EIF2AK1: variants seen among roughly 807,000 people sequenced by gnomAD.
The protein encoded by EIF2AK1 is eukaryotic translation initiation factor 2 alpha kinase 1, also known as eukaryotic translation initiation factor 2-alpha kinase 1.
EIF2AK1 carries 54 observed loss-of-function variants against 77.9 expected under a neutral mutation model. The observed-to-expected ratio is 0.69, with a 90% CI of 0.56 to 0.87. EIF2AK1 has a LOEUF of 0.87. EIF2AK1 is among the 40% of genes least tolerant of loss of function. The probability of loss-of-function intolerance (pLI) is 0.00; values close to 1 mark genes in which losing one functional copy is unlikely to be tolerated. For synonymous variants in EIF2AK1, 314 were observed against 290.5 expected (o/e 1.08, Z -0.82); for missense variants, 810 against 768.6 (o/e 1.05, Z -0.64).
chr7:6,023,679 G>T lies in EIF2AK1; in HGVS notation c.*994C>A. 6.2e-7 allele frequency: 1 copy of T among 1,614,136 alleles called. No individual in the cohort carries two copies. The highest frequency in any genetic ancestry group is 8.5e-7 in the Non-Finnish European group (1 of 1,180,022). On this transcript the variant is annotated 3_prime_UTR_variant, in exon 15 of 15. Transcript: ENST00000199389. ...TGGCTCCTTTTAACACGGCCCTCAA[G>T]CTCCTTAAGTGAATTGCCGTAACTG...
At position 6,054,584 on chromosome 7, in the gene EIF2AK1, T is replaced by C. The variant is rs779037784; in HGVS notation, c.239A>G (p.His80Arg). The C allele has an allele frequency of 9.9e-6, 16 of 1,614,188 alleles. No homozygotes were observed. The highest frequency in any genetic ancestry group is 1.6e-4 in the Middle Eastern group (1 of 6,062). ...VSLLEHLSHV[H>R]EPNPLRSRQV... ...TCTTGAACGAAGTGGGTTTGGTTCA[T>C]GCACGTGGCTCAAGTGCTCCAGCAA... The change falls in exon 2 of 15, where the codon CAT becomes CGT. Residue 80 changes from histidine to arginine, a missense_variant. By Grantham distance (29) the His-to-Arg change is conservative (BLOSUM62 0). Around this residue, in one of 3 missense-constraint regions of EIF2AK1, gnomAD observed 246 missense variants for 199.0 expected, o/e 1.24. Transcript: ENST00000199389.
Position 6,046,065 on chromosome 7 carries a change from T to A in EIF2AK1, c.630+6A>T. 6.6e-7 allele frequency: 1 copy of A among 1,512,682 alleles called. No homozygotes were observed. The highest frequency in any genetic ancestry group is 9.0e-7 in the Non-Finnish European group (1 of 1,112,086). The allele number at this position is 1,512,682 out of a possible 1,614,324, so 93.7% of individuals were successfully genotyped here. On this transcript the variant is annotated splice_donor_region_variant and intron_variant, in intron 6 of 14. Coordinates refer to ENST00000199389, the MANE Select transcript of EIF2AK1 (RefSeq NM_014413.4). ...ATTCAAAATAAGTAATTTTTAAAAA[T>A]CATACCTTCATGCAAACTGTTTTAG...
Position 6,038,614 on chromosome 7 carries a change from C to A in EIF2AK1, c.1177G>T (p.Asp393Tyr), listed in dbSNP as rs754863300. 2 of 1,613,326 alleles carry A rather than the reference C, an allele frequency of 1.2e-6. No homozygotes were observed. The highest frequency in any genetic ancestry group is 1.3e-5 in the African/African-American group (1 of 74,888). ...CGCTTGTTTCTCTCGACTATCCAAT[C>A]CCACAGCGAGAGCTCACACAGCTGC... ...QMQLCELSLWDWIVERNKRGR... is the reference protein window; with the variant it reads ...QMQLCELSLWYWIVERNKRGR... The change falls in exon 10 of 15, where the codon GAT (aspartate) becomes TAT (tyrosine). Residue 393 changes from aspartate (D) to tyrosine (Y), a missense_variant. Asp to Tyr is a radical substitution (Grantham distance 160). Around this residue, in one of 3 missense-constraint regions of EIF2AK1, gnomAD observed 549 missense variants for 533.7 expected, o/e 1.03. Transcript: ENST00000199389.
rs1186169195 is a variant in EIF2AK1 at position 6,023,388 on chromosome 7, G to A, written c.*1285C>T. The A allele has an allele frequency of 1.2e-6, 2 of 1,614,158 alleles. No homozygotes were observed. The highest frequency in any genetic ancestry group is 1.3e-5 in the African/African-American group (1 of 75,046). ...ACATTGCACGTTTCTTGTTCTCTCT[G>A]TTTGGCCAGAAGCATAATGCTGTCA... On this transcript the variant is annotated 3_prime_UTR_variant, in exon 15 of 15. Transcript: ENST00000199389.
At chr7:6,045,756 T>TATATATATATA (rs1554321653) in intron 6 of EIF2AK1, among the ~76,000 whole-genome samples, 7 of 147,788 alleles carry the variant, frequency 4.7e-5, no homozygotes, top group South Asian at 2.1e-4. Flanking sequence ...TATATATAAA[T>TATATATATATA]TAGCCAGGCA....
chr7:6,038,602 C>T lies in EIF2AK1; in HGVS notation c.1189G>A (p.Glu397Lys), dbSNP rs761565784. The change falls in exon 10 of 15, where the codon GAG (glutamate) becomes AAG (lysine). Residue 397 changes from glutamate to lysine, a missense_variant. Physicochemically the swap from Glu to Lys is moderately conservative, Grantham distance 56 (BLOSUM62 1). Around this residue, in one of 3 missense-constraint regions of EIF2AK1, gnomAD observed 549 missense variants for 533.7 expected, o/e 1.03. Coordinates refer to ENST00000199389, the MANE Select transcript of EIF2AK1 (RefSeq NM_014413.4). ...CELSLWDWIV[E>K]RNKRGREYVD... Reference sequence around the variant, plus strand: ...TACTCCCGGCCCCGCTTGTTTCTCTCGACTATCCAATCCCACAGCGAGAGC... The same window carrying T: ...TACTCCCGGCCCCGCTTGTTTCTCTTGACTATCCAATCCCACAGCGAGAGC... The T allele has an allele frequency of 1.6e-5, 26 of 1,613,058 alleles. No homozygotes were observed. Among genetic ancestry groups the T allele is most frequent in the African/African-American group, 9.3e-5 (7 of 74,872 alleles).
At chr7:6,031,661 C>A in intron 11 of EIF2AK1, 1 of 1,460,964 alleles carries the variant, frequency 6.8e-7, no homozygotes. Flanking sequence ...TGATCTAAAG[C>A]TGGTGAACCC....
intron 6 of EIF2AK1, among the ~76,000 whole-genome samples, chr7:6,045,756 T>TATATATATATATATA (rs1554321653): frequency 6.1e-5 from 9 of 147,800 alleles, no homozygotes; most frequent in East Asian, 4.1e-4. Flanking sequence ...TATATATAAA[T>TATATATATATATATA]TAGCCAGGCA....
At chr7:6,028,283 C>A (rs1416948404) in intron 13 of EIF2AK1, among the ~76,000 whole-genome samples, 3 of 147,712 alleles carry the variant, frequency 2.0e-5, no homozygotes, top group Non-Finnish European at 3.0e-5. Context: ...TGGAGTTTTG[C>A]TCTTGTCATC....
Position 6,033,365 on chromosome 7 carries a change from TA to T in EIF2AK1, c.1332+4058del, listed in dbSNP as rs1034005240. On this transcript the variant is annotated intron_variant, in intron 11 of 14. Coordinates refer to ENST00000199389, the MANE Select transcript of EIF2AK1 (RefSeq NM_014413.4). This position sits in a 1 kb window ranked among gnomAD's most constrained non-coding sequence, Gnocchi z 4.4. Reference sequence around the variant, plus strand: ...ACTTATGTTTGGACTTGTTCGTTCTTATGAATGAACCAATGTCTTTACTGAG... The same window carrying T: ...ACTTATGTTTGGACTTGTTCGTTCTTTGAATGAACCAATGTCTTTACTGAG... Among the ~76,000 whole-genome samples, 5 of 152,184 alleles carry T rather than the reference TA, an allele frequency of 3.3e-5. No individual in the cohort carries two copies. Among genetic ancestry groups the T allele is most frequent in the African/African-American group, 9.7e-5 (4 of 41,446 alleles).
intron 7 of EIF2AK1, among the ~76,000 whole-genome samples, chr7:6,043,439 T>A (rs541771232): frequency 2.1e-5 from 3 of 146,206 alleles, no homozygotes; most frequent in Admixed American, 1.3e-4. Flanking sequence ...TTTAATGTAA[T>A]TTTTTTTTTG....
intron 1 of EIF2AK1, among the ~76,000 whole-genome samples, chr7:6,057,312 T>C (rs1788808446): frequency 6.6e-6 from 1 of 151,974 alleles, no homozygotes; most frequent in African/African-American, 2.4e-5. Flanking sequence ...ATTAATTCCA[T>C]TTGAATCAAT....
chr7:6,046,190 TA>T, intron 5 of EIF2AK1, 39 bp from the exon 6 acceptor site: 4 of 1,227,520 alleles, frequency 3.3e-6, no homozygotes, highest in Non-Finnish European at 4.5e-6. Context: ...ATTGTGTCAT[TA>T]AACTTTAACT....
At chr7:6,049,263 G>C (rs1246524323) in intron 3 of EIF2AK1, among the ~76,000 whole-genome samples, 2 of 152,044 alleles carry the variant, frequency 1.3e-5, no homozygotes, top group African/African-American at 4.8e-5. Context: ...CCATAAATTA[G>C]GTAGGGCGCG....
chr7:6,048,250 T>C (rs893724925), intron 4 of EIF2AK1, among the ~76,000 whole-genome samples: 2 of 152,162 alleles, frequency 1.3e-5, no homozygotes, highest in South Asian at 2.1e-4. Context: ...CATCCTTCCC[T>C]TACCCCACTC....
chr7:6,054,397 T>G, intron 2 of EIF2AK1, 149 bp downstream of exon 2: 4 of 750,048 alleles, frequency 5.3e-6, no homozygotes, highest in Admixed American at 3.0e-5. Flanking sequence ...AAAGAGGGGG[T>G]TTCGTCATGT....
intron 4 of EIF2AK1, chr7:6,048,154 A>C (rs1788498934): frequency 6.6e-6 from 1 of 152,190 alleles, no homozygotes; most frequent in African/African-American, 2.4e-5. Context: ...TTAGTACATA[A>C]AGTTGTGCAA....
chr7:6,057,126 CTTTTTTTTT>C (rs34958065), intron 1 of EIF2AK1, among the ~76,000 whole-genome samples: 1 of 90,738 alleles, frequency 1.1e-5, no homozygotes, highest in African/African-American at 4.6e-5. Context: ...GACCCCATCT[CTTTTTTTTT>C]TTTTTTTTTT....
chr7:6,059,055 T>C lies in EIF2AK1; in HGVS notation c.29A>G (p.Lys10Arg). 2 of 1,492,688 alleles carry C rather than the reference T, an allele frequency of 1.3e-6. No individual in the cohort carries two copies. The highest frequency in any genetic ancestry group is 2.4e-5 in the Admixed American group (1 of 41,598). 92.5% of individuals were successfully genotyped at this position (1,492,688 alleles called of 1,614,324 possible). MQGGNSGVR[K>R]REEEGDGAGA... ...AGCCCCGTCGCCCTCCTCTTCGCGCTTGCGGACCCCGGAGTTGCCCCCCTG... is the reference window on the plus strand; with the variant it reads ...AGCCCCGTCGCCCTCCTCTTCGCGCCTGCGGACCCCGGAGTTGCCCCCCTG... The change falls in exon 1 of 15, where the codon AAG becomes AGG. Residue 10 changes from lysine to arginine, a missense_variant. Transcript: ENST00000199389.
Sources: allele counts gnomAD v4.1 joint callset (sites outside exome capture counted in the v4.1 genomes callset), GRCh38; gene constraint gnomAD v4.1.1; regional missense constraint gnomAD v4.1.1; non-coding constraint Gnocchi (gnomAD v3.1); transcripts MANE v1.5; gene names NCBI Gene and HGNC (gene_info 2026-07-23, HGNC 2026-07-21).